The following GPHN variants were observed in gnomAD, a reference collection of about 807,000 sequenced individuals.
The protein encoded by GPHN is gephyrin.
GPHN carries 17 observed loss-of-function variants against 95.5 expected under a neutral mutation model. The observed-to-expected ratio is 0.18, with a 90% CI of 0.12 to 0.27. The LOEUF is 0.27. Ranked by LOEUF, GPHN falls within the 10% of genes least tolerant of loss-of-function variation. GPHN has a pLI of 1.00. For synonymous variants in GPHN, 320 were observed against 322.5 expected, an observed-to-expected ratio of 0.99 and a Z score of 0.08; for missense variants, 660 against 978.1, an observed-to-expected ratio of 0.67 and a Z score of 4.34.
intron 1 of GPHN, among the ~76,000 whole-genome samples, chr14:66,595,696 G>A (rs950463069): frequency 6.6e-6 from 1 of 152,146 alleles, no homozygotes; most frequent in Non-Finnish European, 1.5e-5. Flanking sequence ...GAAGCTTGGA[G>A]ACTTCAGGAA....
the GPHN span, chr14:67,345,936 A>C: frequency 5.0e-6 from 5 of 996,954 alleles, no homozygotes; most frequent in Non-Finnish European, 7.8e-6. Context: ...AAATTCCCCA[A>C]AAGGAGATAA....
chr14:66,776,562 C>T, intron 3 of GPHN, 41 bp downstream of exon 3: 1 of 1,122,240 alleles, frequency 8.9e-7, no homozygotes, highest in Non-Finnish European at 1.4e-6. Flanking sequence ...CATTTAGCAT[C>T]TTGGTGAGGG....
At chr14:67,637,445 T>G in the GPHN span, among the ~76,000 whole-genome samples, 1 of 150,228 alleles carries the variant, frequency 6.7e-6, no homozygotes, top group Non-Finnish European at 1.5e-5. Context: ...AACTTTAATA[T>G]TACTCAGTTC....
intron 16 of GPHN, among the ~76,000 whole-genome samples, chr14:67,115,275 C>T (rs1195261484): frequency 1.3e-5 from 2 of 152,032 alleles, no homozygotes; most frequent in Non-Finnish European, 2.9e-5. Flanking sequence ...CATATTATCT[C>T]TCCAGAAGGC....
In GPHN at chr14:67,036,501, G is replaced by GCACACACACACACACACACACACA. The variant is rs762967467; in HGVS notation, c.1006+12843_1006+12866dup. On this transcript the variant is annotated intron_variant, in intron 10 of 22. Coordinates refer to ENST00000478722, the MANE Select transcript of GPHN (RefSeq NM_020806.5). The stretch of plus-strand genomic sequence containing the variant: ...GAAAATTCCACTTATATACATACAT[G>GCACACACACACACACACACACACA]CACACACACACACACACACACACAC... Among the ~76,000 whole-genome samples the GCACACACACACACACACACACACA allele has an allele frequency of 4.7e-3, 553 of 118,142 alleles. 14 individuals carry two copies. Among genetic ancestry groups the GCACACACACACACACACACACACA allele is most frequent in the African/African-American group, 0.014 (354 of 25,990 alleles). 77.5% of individuals were successfully genotyped at this position (118,142 alleles called of 152,430 possible). A position where few individuals can be genotyped will look rare whatever the true frequency, so the allele number is the denominator to read the frequency against.
the GPHN span, chr14:67,316,801 T>C: frequency 6.3e-7 from 1 of 1,577,366 alleles, no homozygotes; most frequent in Non-Finnish European, 8.6e-7. Flanking sequence ...ATCTTAAATA[T>C]TTTACCCTTC....
chr14:67,181,611 A>C lies in GPHN; in HGVS notation c.*674A>C, dbSNP rs1249145655. The C allele has an allele frequency of 5.1e-6, 2 of 393,674 alleles. No homozygotes were observed. The highest frequency in any genetic ancestry group is 4.2e-5 in the African/African-American group (2 of 47,566). 24.4% of individuals were successfully genotyped at this position (393,674 alleles called of 1,614,324 possible). A position where few individuals can be genotyped will look rare whatever the true frequency, so the allele number is the denominator to read the frequency against. ...TTAAGTGCTGACAGCCTTTTTAACCAATACATTTAAAATTGTACAGAACAA... is the reference window on the plus strand; with the variant it reads ...TTAAGTGCTGACAGCCTTTTTAACCCATACATTTAAAATTGTACAGAACAA... On this transcript the variant is annotated 3_prime_UTR_variant, in exon 23 of 23. Coordinates refer to ENST00000478722, the MANE Select transcript of GPHN (RefSeq NM_020806.5).
intron 11 of GPHN, among the ~76,000 whole-genome samples, chr14:67,070,333 A>G (rs2076236762): frequency 6.7e-6 from 1 of 148,258 alleles, no homozygotes; most frequent in African/African-American, 2.5e-5. Flanking sequence ...ATATTTTTAT[A>G]TATATATATA....
chr14:67,411,995 C>T, the GPHN span: 2 of 1,537,676 alleles, frequency 1.3e-6, no homozygotes, highest in South Asian at 1.2e-5. Context: ...CGGGCAATGT[C>T]CCGAAGCTCG....
chr14:67,003,261 G>A (rs1297426683), intron 9 of GPHN, among the ~76,000 whole-genome samples: 2 of 151,498 alleles, frequency 1.3e-5, no homozygotes, highest in Non-Finnish European at 3.0e-5. Flanking sequence ...GTTTATAAGT[G>A]GGCAAAGCAC....
chr14:67,453,639 C>T, the GPHN span, among the ~76,000 whole-genome samples: 41 of 152,294 alleles, frequency 2.7e-4, 1 homozygote, highest in South Asian at 6.6e-3. Flanking sequence ...GTCTCAGAAA[C>T]TATGGTGGGT....
At position 67,102,430 on chromosome 14, in the gene GPHN, G is replaced by A. The variant is rs550796782; in HGVS notation, c.1293+1519G>A. ...AATCCCAGCACTTTGGGAGGCCGCGGCGGGCAGATAACCTGAGTTCGGGAG... is the reference window on the plus strand; with the variant it reads ...AATCCCAGCACTTTGGGAGGCCGCGACGGGCAGATAACCTGAGTTCGGGAG... On this transcript the variant is annotated intron_variant, in intron 13 of 22. Coordinates refer to ENST00000478722, the MANE Select transcript of GPHN (RefSeq NM_020806.5). Among the ~76,000 whole-genome samples the A allele has an allele frequency of 3.9e-5, 6 of 152,070 alleles. No individual in the cohort carries two copies. The East Asian group carries it at 1.2e-3, about 30-fold the overall frequency.
chr14:67,573,953 G>A, the GPHN span: 1 of 1,171,222 alleles, frequency 8.5e-7, no homozygotes, highest in South Asian at 1.2e-5. This position sits in a 1 kb window ranked among gnomAD's most constrained non-coding sequence, Gnocchi z 4.8. Flanking sequence ...ATGGCCGTGA[G>A]TGAGACAAAG....
rs762967467 is a variant in GPHN, at chr14:67,036,501, GCACACACA to G, written c.1006+12859_1006+12866del. Among the ~76,000 whole-genome samples, 123 of 118,184 alleles carry G rather than the reference GCACACACA, an allele frequency of 1.0e-3. 1 individual carries two copies. Among genetic ancestry groups the G allele is most frequent in the African/African-American group, 3.0e-3 (79 of 26,024 alleles). 77.5% of individuals were successfully genotyped at this position (118,184 alleles called of 152,430 possible). On this transcript the variant is annotated intron_variant, in intron 10 of 22. Coordinates refer to ENST00000478722, the MANE Select transcript of GPHN (RefSeq NM_020806.5). ...GAAAATTCCACTTATATACATACAT[GCACACACA>G]CACACACACACACACACACACACAC...
the GPHN span, among the ~76,000 whole-genome samples, chr14:67,442,535 G>T: frequency 5.5e-3 from 834 of 152,306 alleles, 8 homozygotes; most frequent in African/African-American, 0.018. Flanking sequence ...CTACCAAGGA[G>T]CACTCGTCCC....
the GPHN span, among the ~76,000 whole-genome samples, chr14:67,678,628 A>G: frequency 6.6e-6 from 1 of 152,092 alleles, no homozygotes; most frequent in Non-Finnish European, 1.5e-5. Context: ...TCGCTAGACC[A>G]CCTCTCATCA....
At chr14:66,820,030 C>G (rs2061130244) in intron 3 of GPHN, among the ~76,000 whole-genome samples, 2 of 151,986 alleles carry the variant, frequency 1.3e-5, no homozygotes, top group South Asian at 4.1e-4. Flanking sequence ...ATGCTGAAAT[C>G]CCTCTAAATT....
At chr14:66,804,228 GTTTTCCA>G (rs2060463166) in intron 3 of GPHN, among the ~76,000 whole-genome samples, 1 of 152,114 alleles carries the variant, frequency 6.6e-6, no homozygotes. Flanking sequence ...AACATGGTGG[GTTTTCCA>G]TTCCCTCAGT....
chr14:66,542,498 T>C (rs921401521), intron 1 of GPHN, among the ~76,000 whole-genome samples: 1 of 152,178 alleles, frequency 6.6e-6, no homozygotes, highest in African/African-American at 2.4e-5. Flanking sequence ...TAACCTATCT[T>C]TCTACCCATT....
Sources: allele counts gnomAD v4.1 joint callset (sites outside exome capture counted in the v4.1 genomes callset), GRCh38; gene constraint gnomAD v4.1.1; non-coding constraint Gnocchi (gnomAD v3.1); transcripts MANE v1.5; gene names NCBI Gene and HGNC (gene_info 2026-07-23, HGNC 2026-07-21).